Variants in DISP3 observed in about 807,000 individuals in gnomAD.
DISP3 encodes protein dispatched homolog 3.
In DISP3, 101 loss-of-function variants were observed where a neutral mutation model predicts 135.3. That is an observed-to-expected ratio of 0.75 (90% CI 0.64 to 0.88). The LOEUF (loss-of-function observed/expected upper bound fraction) is 0.88. Among genes scored for constraint, DISP3 ranks in the 40% least tolerant of loss-of-function variants. DISP3 has a pLI of 0.00. For synonymous variants in DISP3, 856 were observed against 817.0 expected (o/e 1.05, Z -0.81); for missense variants, 1,713 against 1,878.6 (o/e 0.91, Z 1.63).
At chr1:11,514,551 C>G (rs762838614) in intron 4 of DISP3, 25 bp downstream of exon 4, 4 of 1,607,018 alleles carry the variant, frequency 2.5e-6, no homozygotes, top group Non-Finnish European at 3.4e-6. Context: ...AAGCCAGCCC[C>G]CTCCTCCCCT....
At position 11,520,576 on chromosome 1, in the gene DISP3, G is replaced by C. The variant is rs1411989233; in HGVS notation, c.2201-111G>C. ...TGCAGGGCCTTCCCCCGCACCCTTA[G>C]GACACCCGCCCCCCAACAACCAGAG... On this transcript the variant is annotated intron_variant, in intron 9 of 20. Coordinates refer to ENST00000294484, the MANE Select transcript of DISP3 (RefSeq NM_020780.2). This position sits in a 1 kb window ranked among gnomAD's most constrained non-coding sequence, Gnocchi z 4.8. 7.7e-7 allele frequency: 1 copy of C among 1,293,378 alleles called. No homozygotes were observed. Among genetic ancestry groups the C allele is most frequent in the African/African-American group, 1.5e-5 (1 of 67,646 alleles). The allele number at this position is 1,293,378 out of a possible 1,614,324, so 80.1% of individuals were successfully genotyped here.
At chr1:11,504,608 T>C (rs1641647097) in intron 3 of DISP3, among the ~76,000 whole-genome samples, 1 of 152,226 alleles carries the variant, frequency 6.6e-6, no homozygotes, top group Non-Finnish European at 1.5e-5. Flanking sequence ...AATGCCATCT[T>C]GTGGGAGTGA....
chr1:11,515,472 T>G lies in DISP3; in HGVS notation c.1557T>G (p.Asn519Lys). 6.2e-7 allele frequency: 1 copy of G among 1,612,376 alleles called. No individual in the cohort carries two copies. The highest frequency in any genetic ancestry group is 1.1e-5 in the South Asian group (1 of 90,822). The stretch of plus-strand genomic sequence containing the variant: ...GTATCCAGTACTTGGGCATCCTGAA[T>G]GGGGTGGCCGCCTTCGTGATCGTGG... ...VFGIQYLGIL[N>K]GVAAFVIVGI... The change falls in exon 5 of 21, where the codon AAT (asparagine) becomes AAG (lysine). Residue 519 changes from asparagine (N) to lysine (K), a missense_variant. Asn to Lys is a moderately conservative substitution (Grantham distance 94, BLOSUM62 0). Coordinates refer to ENST00000294484, the MANE Select transcript of DISP3 (RefSeq NM_020780.2).
Position 11,536,305 on chromosome 1 carries a change from G to T in DISP3, c.3817-19G>T. 1 of 1,588,492 alleles carries T rather than the reference G, an allele frequency of 6.3e-7. No individual in the cohort carries two copies. Among genetic ancestry groups the T allele is most frequent in the Non-Finnish European group, 8.5e-7 (1 of 1,173,624 alleles). On this transcript the variant is annotated intron_variant, in intron 20 of 20. Transcript: ENST00000294484. The surrounding 1 kb of genome is among the most constrained non-coding windows in gnomAD (Gnocchi z 4.3). ...GTCCCGCAGGCAGGCTGGGCTCCCAGCTCTCCTCTTGCCCCCAGGACGCCC... is the reference window on the plus strand; with the variant it reads ...GTCCCGCAGGCAGGCTGGGCTCCCATCTCTCCTCTTGCCCCCAGGACGCCC...
intron 3 of DISP3, among the ~76,000 whole-genome samples, chr1:11,509,489 G>T (rs186323388): frequency 1.3e-4 from 20 of 152,230 alleles, no homozygotes; most frequent in Non-Finnish European, 2.1e-4. Flanking sequence ...GAGAGAGAGA[G>T]ATATTGAAAT....
Position 11,502,019 on chromosome 1 carries a change from T to C in DISP3, c.1027T>C (p.Phe343Leu), listed in dbSNP as rs1198244830. The C allele has an allele frequency of 4.4e-6, 7 of 1,601,734 alleles. No individual in the cohort carries two copies. Among genetic ancestry groups the C allele is most frequent in the Non-Finnish European group, 6.0e-6 (7 of 1,173,906 alleles). The change falls in exon 2 of 21, where the codon TTT (phenylalanine) becomes CTT (leucine). Residue 343 changes from phenylalanine to leucine, a missense_variant. Coordinates refer to ENST00000294484, the MANE Select transcript of DISP3 (RefSeq NM_020780.2). ...CSPPSSLMTY[F>L]FPTERGGKIY... ...GCCCCCCAGCTCGCTCATGACCTAC[T>C]TTTTTCCCACCGAGAGGGGCGGCAA...
At position 11,536,632 on chromosome 1, in the gene DISP3, C is replaced by T. The variant is rs367544264; in HGVS notation, c.4125C>T (p.Leu1375=). Residue 1375 remains leucine (L), a synonymous_variant, in exon 21 of 21, where the codon CTC becomes CTT. Transcript: ENST00000294484. This position sits in a 1 kb window ranked among gnomAD's most constrained non-coding sequence, Gnocchi z 4.3. ...LAGALGLGAC[L]VLLQSGYKIP... ...GGGCCCTGGGGCTGGGTGCCTGCCT[C>T]GTGCTCCTGCAGAGCGGCTATAAGA... 97 of 1,604,510 alleles carry T rather than the reference C, an allele frequency of 6.0e-5. No individual in the cohort carries two copies. In the African/African-American group the frequency reaches 1.0e-3, roughly 17 times the overall value.
Position 11,501,497 on chromosome 1 carries a change from T to TC in DISP3, c.508dup (p.Arg170ProfsTer37). The TC allele has an allele frequency of 6.2e-7, 1 of 1,606,498 alleles. No individual in the cohort carries two copies. The highest frequency in any genetic ancestry group is 8.5e-7 in the Non-Finnish European group (1 of 1,176,500). ...TCTCGGCAACCGCTCGCGGCAAGCC[T>TC]CCCGAGCCCCCCGCGTCATCCCCGC... On this transcript the variant is annotated frameshift_variant, in exon 2 of 21. Coordinates refer to ENST00000294484, the MANE Select transcript of DISP3 (RefSeq NM_020780.2). LOFTEE classifies it high-confidence loss of function. This position sits in a 1 kb window ranked among gnomAD's most constrained non-coding sequence, Gnocchi z 4.9.
rs531230204 is a variant in DISP3, at chr1:11,536,810, G to A, written c.*124G>A. The A allele has an allele frequency of 5.1e-5, 65 of 1,277,614 alleles. No individual in the cohort carries two copies. Among genetic ancestry groups the A allele is most frequent in the African/African-American group, 9.2e-5 (6 of 65,078 alleles). The allele number at this position is 1,277,614 out of a possible 1,614,324, so 79.1% of individuals were successfully genotyped here. ...GGCCCAGGGCGCCCTGCGGGCCAGCGTGGAGGCTGACACCCACACAGATGG... is the reference window on the plus strand; with the variant it reads ...GGCCCAGGGCGCCCTGCGGGCCAGCATGGAGGCTGACACCCACACAGATGG... On this transcript the variant is annotated 3_prime_UTR_variant, in exon 21 of 21. Transcript: ENST00000294484. This position sits in a 1 kb window ranked among gnomAD's most constrained non-coding sequence, Gnocchi z 4.3.
intron 1 of DISP3, among the ~76,000 whole-genome samples, chr1:11,496,514 C>CT (rs1641338746): frequency 6.6e-6 from 1 of 152,174 alleles, no homozygotes; most frequent in Admixed American, 6.5e-5. Flanking sequence ...CTACTCCGGG[C>CT]TTTGTCTGAA....
In DISP3 at chr1:11,531,006, C is replaced by T; in HGVS notation, c.3202C>T (p.Pro1068Ser). The change falls in exon 16 of 21, where the codon CCG (proline) becomes TCG (serine). Residue 1068 changes from proline to serine, a missense_variant. Physicochemically the swap from Pro to Ser is moderately conservative, Grantham distance 74 (BLOSUM62 -1). This residue lies in a region of DISP3 where 1,142 missense variants were observed against 1,384.6 expected (regional missense o/e 0.82). Coordinates refer to ENST00000294484, the MANE Select transcript of DISP3 (RefSeq NM_020780.2). This position sits in a 1 kb window ranked among gnomAD's most constrained non-coding sequence, Gnocchi z 5.2. ...CGCAGCCAACTCCGAGCTGGTGAAG[C>T]CGGGTGGGGCCCAGTGCCTGCCTTC... ...AIAANSELVK[P>S]GGAQCLPSGY... is the part of the protein sequence containing the mutation. 6.2e-7 allele frequency: 1 copy of T among 1,613,812 alleles called. No homozygotes were observed. Among genetic ancestry groups the T allele is most frequent in the Non-Finnish European group, 8.5e-7 (1 of 1,179,962 alleles).
At position 11,533,696 on chromosome 1, in the gene DISP3, G is replaced by A. The variant is rs1211792250; in HGVS notation, c.3376-685G>A. On this transcript the variant is annotated intron_variant, in intron 17 of 20. Transcript: ENST00000294484. ...ACTCAGGCTCACCACACGGCAAGGT[G>A]CCCGCTTCCAAGCTGACCCCACCAG... The A allele has an allele frequency of 7.3e-6, 5 of 685,860 alleles. No homozygotes were observed. The African/African-American group carries it at 8.8e-5, about 12-fold the overall frequency. 42.5% of individuals were successfully genotyped at this position (685,860 alleles called of 1,614,324 possible). A position where few individuals can be genotyped will look rare whatever the true frequency, so the allele number is the denominator to read the frequency against.
Position 11,491,541 on chromosome 1 carries a change from G to A in DISP3, c.-3-9449G>A, listed in dbSNP as rs1641182654. Among the ~76,000 whole-genome samples, 1 of 152,096 alleles carries A rather than the reference G, an allele frequency of 6.6e-6. No homozygotes were observed. The highest frequency in any genetic ancestry group is 2.4e-5 in the African/African-American group (1 of 41,402). ...GGGGAGGACCACTCGAGCCCGGGAG[G>A]TCGAGGCTGCAGTGAACCATCATAG... is the stretch of plus-strand genomic sequence containing the variant. On this transcript the variant is annotated intron_variant, in intron 1 of 20. Coordinates refer to ENST00000294484, the MANE Select transcript of DISP3 (RefSeq NM_020780.2). This position sits in a 1 kb window ranked among gnomAD's most constrained non-coding sequence, Gnocchi z 4.3.
intron 10 of DISP3, among the ~76,000 whole-genome samples, chr1:11,522,185 C>T (rs2817590): frequency 0.14 from 21,678 of 152,154 alleles, 1,877 homozygotes; most frequent in East Asian, 0.46. Context: ...GGTCATCTGA[C>T]TTTGCCAGGG....
intron 13 of DISP3, 55 bp downstream of exon 13, chr1:11,526,890 C>G (rs1570141772): frequency 2.0e-6 from 3 of 1,520,822 alleles, no homozygotes; most frequent in Non-Finnish European, 8.8e-7. Flanking sequence ...CTTCTTTGCC[C>G]TTTTCTCTCT....
Position 11,520,243 on chromosome 1 carries a change from G to A in DISP3, c.2200+363G>A, listed in dbSNP as rs567348998. ...CTATTCTGTAATTGAGGATGAGAAC[G>A]GTGGCTAGGAAGGCAGCTGTCAGTG... On this transcript the variant is annotated intron_variant, in intron 9 of 20. Transcript: ENST00000294484. This position sits in a 1 kb window ranked among gnomAD's most constrained non-coding sequence, Gnocchi z 4.8. Among the ~76,000 whole-genome samples, 62 of 152,300 alleles carry A rather than the reference G, an allele frequency of 4.1e-4. 1 individual carries two copies. Among genetic ancestry groups the A allele is most frequent in the South Asian group, 1.7e-3 (8 of 4,826 alleles).
At chr1:11,508,740 G>A (rs531505410) in intron 3 of DISP3, among the ~76,000 whole-genome samples, 1 of 152,156 alleles carries the variant, frequency 6.6e-6, no homozygotes, top group Admixed American at 6.5e-5. Context: ...ACATCAATGG[G>A]GAATGGGCTT....
chr1:11,483,612 G>A lies in DISP3; in HGVS notation c.-4+4240G>A, dbSNP rs78245824. Among the ~76,000 whole-genome samples the A allele has an allele frequency of 0.015, 2,313 of 152,198 alleles. 56 individuals are homozygous for A. The highest frequency in any genetic ancestry group is 0.052 in the African/African-American group (2,162 of 41,524). On this transcript the variant is annotated intron_variant, in intron 1 of 20. Coordinates refer to ENST00000294484, the MANE Select transcript of DISP3 (RefSeq NM_020780.2). This position sits in a 1 kb window ranked among gnomAD's most constrained non-coding sequence, Gnocchi z 5.4. ...GTCATTCAATAAATATTTTCTTGTC[G>A]AGAAACCTGTTTATATGATGGGTTT... is the stretch of plus-strand genomic sequence containing the variant.
At chr1:11,500,650 G>A (rs978629961) in intron 1 of DISP3, among the ~76,000 whole-genome samples, 3 of 152,140 alleles carry the variant, frequency 2.0e-5, no homozygotes, top group African/African-American at 7.2e-5. Flanking sequence ...GATGCAGCAA[G>A]CATTAGAAAA....
Sources: gnomAD v4.1 joint callset for allele counts (sites outside exome capture counted in the v4.1 genomes callset) on GRCh38, gnomAD v4.1.1 for gene constraint, gnomAD v4.1.1 regional missense constraint, Gnocchi (gnomAD v3.1) non-coding constraint, MANE v1.5 for transcripts, NCBI Gene and HGNC (gene_info 2026-07-23, HGNC 2026-07-21) for gene names.